Variants in CFAP299 observed in about 807,000 individuals in gnomAD.
CFAP299 encodes cilia and flagella associated protein 299, also known as cilia- and flagella-associated protein 299.
In CFAP299, 21 loss-of-function variants were observed where a neutral mutation model predicts 27.0. The observed-to-expected ratio is 0.78, with a 90% confidence interval of 0.55 to 1.12. The LOEUF (loss-of-function observed/expected upper bound fraction) is 1.12. Ranked by LOEUF, CFAP299 falls within the 50% of genes most tolerant of loss-of-function variation. The probability of loss-of-function intolerance (pLI) is 0.00; values close to 1 mark genes in which losing one functional copy is unlikely to be tolerated. For missense variants in CFAP299, 310 were observed against 276.6 expected, an observed-to-expected ratio of 1.12 and a Z score of -0.86; for synonymous variants, 104 against 98.1, an observed-to-expected ratio of 1.06 and a Z score of -0.36.
At chr4:80,474,399 T>C (rs1485342465) in intron 2 of CFAP299, among the ~76,000 whole-genome samples, 3 of 152,244 alleles carry the variant, frequency 2.0e-5, no homozygotes, top group Non-Finnish European at 2.9e-5. Context: ...GTTAAATGAC[T>C]GCCATGTTCA....
rs565869076 is a variant in CFAP299, at chr4:80,791,980, A to G, written c.334-78013A>G. 3.9e-5 allele frequency among the ~76,000 whole-genome samples: 6 copies of G among 152,024 alleles called. No individual in the cohort carries two copies. In the East Asian group the frequency reaches 1.2e-3, roughly 29 times the overall value. On this transcript the variant is annotated intron_variant, in intron 3 of 5. Transcript: ENST00000358105. ...TCAAAAATATAAACAACTTCAGCAA[A>G]TGGCTACTAAATAAAATACAACTGA...
At chr4:80,669,051 C>G (rs1027170376) in intron 3 of CFAP299, among the ~76,000 whole-genome samples, 11 of 150,926 alleles carry the variant, frequency 7.3e-5, no homozygotes, top group African/African-American at 2.4e-4. Flanking sequence ...TAAATCAGTT[C>G]CTAGGTATTT....
intron 4 of CFAP299, among the ~76,000 whole-genome samples, chr4:80,902,655 T>C (rs1242437929): frequency 2.0e-5 from 3 of 147,978 alleles, no homozygotes; most frequent in Non-Finnish European, 4.5e-5. Context: ...GGGGCTATAG[T>C]ATATCATCAA....
At chr4:80,834,717 G>A (rs915379456) in intron 3 of CFAP299, among the ~76,000 whole-genome samples, 8 of 152,060 alleles carry the variant, frequency 5.3e-5, no homozygotes, top group African/African-American at 1.4e-4. Context: ...CCTGGTAGTC[G>A]GCGGACAGGG....
intron 2 of CFAP299, among the ~76,000 whole-genome samples, chr4:80,492,368 A>G (rs1731181433): frequency 6.6e-6 from 1 of 152,182 alleles, no homozygotes; most frequent in African/African-American, 2.4e-5. Flanking sequence ...CTTTTCATCA[A>G]CAATGTCTTT....
upstream of CFAP299, among the ~76,000 whole-genome samples, chr4:80,330,870 T>C (rs762117708): frequency 2.6e-5 from 4 of 152,222 alleles, no homozygotes; most frequent in Admixed American, 2.6e-4. Flanking sequence ...GCAAATACTT[T>C]TGAGGGATCA....
intron 3 of CFAP299, among the ~76,000 whole-genome samples, chr4:80,647,524 C>T (rs774309129): frequency 6.6e-5 from 10 of 152,030 alleles, no homozygotes; most frequent in African/African-American, 1.4e-4. Flanking sequence ...ACTCACTAGA[C>T]GATGAAATGA....
intron 3 of CFAP299, among the ~76,000 whole-genome samples, chr4:80,672,890 C>G (rs542798637): frequency 6.6e-6 from 1 of 150,574 alleles, no homozygotes; most frequent in Non-Finnish European, 1.5e-5. Context: ...TGATTCTTCT[C>G]TCTTTTCTTC....
At chr4:80,548,366 T>C (rs4348080) in intron 2 of CFAP299, among the ~76,000 whole-genome samples, 56,008 of 151,858 alleles carry the variant, frequency 0.37, 13,295 homozygotes, top group African/African-American at 0.68. Context: ...AAACAATAGG[T>C]ACTAGGTAGG....
At chr4:80,593,497 T>C (rs1341364950) in intron 3 of CFAP299, among the ~76,000 whole-genome samples, 1 of 152,202 alleles carries the variant, frequency 6.6e-6, no homozygotes, top group African/African-American at 2.4e-5. Flanking sequence ...TTATAACTTG[T>C]CAAATCTATG....
chr4:80,924,430 C>T (rs1736198327), intron 4 of CFAP299, among the ~76,000 whole-genome samples: 1 of 151,274 alleles, frequency 6.6e-6, no homozygotes, highest in African/African-American at 2.4e-5. Context: ...AATTTGGCCT[C>T]CTGATTATTT....
At chr4:80,478,134 G>A (rs1474346476) in intron 2 of CFAP299, among the ~76,000 whole-genome samples, 1 of 151,968 alleles carries the variant, frequency 6.6e-6, no homozygotes, top group Admixed American at 6.6e-5. Context: ...TAATATTTTT[G>A]CCATAACTTA....
chr4:80,456,244 T>A (rs573335778), intron 2 of CFAP299, among the ~76,000 whole-genome samples: 34 of 152,192 alleles, frequency 2.2e-4, no homozygotes, highest in South Asian at 6.2e-4. Context: ...GTGGAGCAGC[T>A]TCATGGCAAG....
chr4:80,716,621 G>A (rs1459251579), intron 3 of CFAP299, among the ~76,000 whole-genome samples: 3 of 152,026 alleles, frequency 2.0e-5, no homozygotes, highest in African/African-American at 7.2e-5. Context: ...GATATATTTT[G>A]TAGCTTACTT....
intron 2 of CFAP299, among the ~76,000 whole-genome samples, chr4:80,463,336 CAAAG>C (rs1187684065): frequency 1.3e-5 from 2 of 151,978 alleles, no homozygotes; most frequent in South Asian, 2.1e-4. Flanking sequence ...CAAAATTACA[CAAAG>C]AAAGAACATA....
At chr4:80,749,885 C>T (rs954321190) in intron 3 of CFAP299, among the ~76,000 whole-genome samples, 1 of 152,180 alleles carries the variant, frequency 6.6e-6, no homozygotes, top group Non-Finnish European at 1.5e-5. Flanking sequence ...CACAGACACA[C>T]CCAAGAACAA....
chr4:80,790,794 C>T (rs750311750), intron 3 of CFAP299, among the ~76,000 whole-genome samples: 2 of 151,904 alleles, frequency 1.3e-5, no homozygotes, highest in Non-Finnish European at 2.9e-5. Context: ...CAGAAGTTAC[C>T]GGGGAGAATT....
chr4:80,527,926 G>C lies in CFAP299; in HGVS notation c.243-55167G>C, dbSNP rs373689877. Among the ~76,000 whole-genome samples the C allele has an allele frequency of 7.7e-4, 117 of 152,190 alleles. 3 individuals carry two copies. The South Asian group carries it at 0.024, about 31-fold the overall frequency. On this transcript the variant is annotated intron_variant, in intron 2 of 5. Coordinates refer to ENST00000358105, the MANE Select transcript of CFAP299 (RefSeq NM_152770.3). ...TATTTTCCTGGTTGACAAATGACAT[G>C]ATCTTCACATTAGGATTACAAGTGG...
chr4:80,644,430 A>G (rs1211027335), intron 3 of CFAP299, among the ~76,000 whole-genome samples: 1 of 152,190 alleles, frequency 6.6e-6, no homozygotes, highest in Non-Finnish European at 1.5e-5. Context: ...AGACTCTGAA[A>G]CACTCAATAT....
Sources: gnomAD v4.1 joint callset for allele counts (sites outside exome capture counted in the v4.1 genomes callset) on GRCh38, gnomAD v4.1.1 for gene constraint, MANE v1.5 for transcripts, NCBI Gene and HGNC (gene_info 2026-07-23, HGNC 2026-07-21) for gene names.